The following PRKCE variants were observed in gnomAD, a reference collection of about 807,000 sequenced individuals.
PRKCE encodes protein kinase C epsilon.
Under a neutral mutation model 85.4 loss-of-function variants are expected in PRKCE, and 16 were observed. The ratio of observed to expected loss-of-function variants is 0.19; its 90% CI spans 0.13 to 0.28. The LOEUF (loss-of-function observed/expected upper bound fraction) is 0.28. Ranked by LOEUF, PRKCE falls within the 10% of genes least tolerant of loss-of-function variation. The pLI is 1.00. For missense variants in PRKCE, 573 were observed against 975.2 expected (o/e 0.59, Z 5.49); for synonymous variants, 388 against 371.5 (o/e 1.04, Z -0.51).
chr2:46,009,906 G>T (rs569176053), intron 9 of PRKCE, among the ~76,000 whole-genome samples: 4 of 152,174 alleles, frequency 2.6e-5, no homozygotes, highest in African/African-American at 7.2e-5. Flanking sequence ...AAAATAGTTG[G>T]TGTACTGTAA....
At chr2:45,733,624 G>A (rs558002389) in intron 1 of PRKCE, among the ~76,000 whole-genome samples, 1 of 152,300 alleles carries the variant, frequency 6.6e-6, no homozygotes, top group South Asian at 2.1e-4. Context: ...TTTGAGCAAA[G>A]ACTTGAAGGA....
intron 1 of PRKCE, among the ~76,000 whole-genome samples, chr2:45,782,807 G>A (rs1686300242): frequency 6.6e-6 from 1 of 151,732 alleles, no homozygotes; most frequent in South Asian, 2.1e-4. Flanking sequence ...CCAGAAAAGG[G>A]GAAAAATACT....
Position 45,813,632 on chromosome 2 carries a change from C to T in PRKCE, c.349-29368C>T, listed in dbSNP as rs574365207. Among the ~76,000 whole-genome samples, 459 of 152,252 alleles carry T rather than the reference C, an allele frequency of 3.0e-3. 4 individuals carry two copies. The highest frequency in any genetic ancestry group is 0.01 in the African/African-American group (425 of 41,530). On this transcript the variant is annotated intron_variant, in intron 1 of 14. Coordinates refer to ENST00000306156, the MANE Select transcript of PRKCE (RefSeq NM_005400.3). ...AGAGAGGTGCAAGGAGGTCACCCAG[C>T]GACTTGAATCAAGCCACTTCCAGCA...
At chr2:45,987,481 C>T (rs1171132355) in intron 6 of PRKCE, among the ~76,000 whole-genome samples, 1 of 152,176 alleles carries the variant, frequency 6.6e-6, no homozygotes, top group Non-Finnish European at 1.5e-5. Flanking sequence ...TCTTTGTCTT[C>T]CTCTCTCTTT....
At chr2:46,031,577 C>T (rs1274959095) in intron 10 of PRKCE, among the ~76,000 whole-genome samples, 1 of 149,582 alleles carries the variant, frequency 6.7e-6, no homozygotes, top group Admixed American at 6.8e-5. Context: ...TCTTCTACCC[C>T]TTTACATTCT....
intron 1 of PRKCE, among the ~76,000 whole-genome samples, chr2:45,679,159 A>G (rs1676696282): frequency 6.6e-6 from 1 of 152,210 alleles, no homozygotes; most frequent in Non-Finnish European, 1.5e-5. Context: ...ATAATTTTTC[A>G]TAAATATGCA....
At chr2:45,992,835 T>G (rs916892983) in intron 6 of PRKCE, among the ~76,000 whole-genome samples, 3 of 152,086 alleles carry the variant, frequency 2.0e-5, no homozygotes, top group African/African-American at 7.2e-5. Flanking sequence ...TGATAGAAGG[T>G]GAAAGTCAGA....
chr2:46,072,140 A>T (rs1249158760), intron 10 of PRKCE, among the ~76,000 whole-genome samples: 4 of 152,250 alleles, frequency 2.6e-5, no homozygotes, highest in Non-Finnish European at 5.9e-5. Flanking sequence ...TTAATAATTT[A>T]AAAAACCCTT....
At chr2:45,870,390 G>A (rs879700319) in intron 2 of PRKCE, among the ~76,000 whole-genome samples, 3 of 152,158 alleles carry the variant, frequency 2.0e-5, no homozygotes, top group African/African-American at 4.8e-5. Context: ...GTGCATGTTC[G>A]AGATGCTAAC....
chr2:45,988,754 C>G (rs919035642), intron 6 of PRKCE, among the ~76,000 whole-genome samples: 2 of 152,190 alleles, frequency 1.3e-5, no homozygotes, highest in Non-Finnish European at 2.9e-5. Flanking sequence ...TTAAACAGTC[C>G]AGAAATCAGC....
chr2:46,172,352 G>C (rs889227655), intron 14 of PRKCE, among the ~76,000 whole-genome samples: 7 of 152,220 alleles, frequency 4.6e-5, no homozygotes, highest in Non-Finnish European at 1.5e-5. Flanking sequence ...GCACTGGATG[G>C]ACAATGTGGA....
intron 1 of PRKCE, among the ~76,000 whole-genome samples, chr2:45,691,110 G>T (rs759447320): frequency 6.6e-6 from 1 of 152,166 alleles, no homozygotes; most frequent in East Asian, 1.9e-4. Flanking sequence ...CAGGACTAAG[G>T]TTCTAAAAGC....
chr2:45,964,099 C>G (rs1386296814), intron 2 of PRKCE, among the ~76,000 whole-genome samples: 2 of 152,116 alleles, frequency 1.3e-5, no homozygotes, highest in Admixed American at 1.3e-4. Flanking sequence ...ATAAATAACC[C>G]CATAGCCTTT....
At chr2:45,702,480 G>T (rs930784719) in intron 1 of PRKCE, among the ~76,000 whole-genome samples, 1 of 152,148 alleles carries the variant, frequency 6.6e-6, no homozygotes, top group African/African-American at 2.4e-5. Context: ...TATAGAAGGC[G>T]CTCGGTCAGC....
chr2:45,824,263 C>A (rs1310950895), intron 1 of PRKCE, among the ~76,000 whole-genome samples: 2 of 152,180 alleles, frequency 1.3e-5, no homozygotes, highest in East Asian at 1.9e-4. Context: ...AAACAGACAG[C>A]CTTTGAAGTC....
chr2:45,808,600 G>A (rs1362711832), intron 1 of PRKCE, among the ~76,000 whole-genome samples: 1 of 152,224 alleles, frequency 6.6e-6, no homozygotes, highest in Non-Finnish European at 1.5e-5. Context: ...CTGCCAGGGA[G>A]CTGCCAGGAT....
chr2:45,810,293 G>A (rs943866038), intron 1 of PRKCE, among the ~76,000 whole-genome samples: 20 of 151,992 alleles, frequency 1.3e-4, no homozygotes, highest in Admixed American at 2.6e-4. Context: ...CACCCGCCTC[G>A]GCCTCCCAAA....
At chr2:45,866,235 G>T (rs1400247109) in intron 2 of PRKCE, among the ~76,000 whole-genome samples, 1 of 152,146 alleles carries the variant, frequency 6.6e-6, no homozygotes, top group African/African-American at 2.4e-5. Context: ...TCATCTGGAA[G>T]GCTTTAAAAG....
chr2:45,822,167 A>G (rs766659568), intron 1 of PRKCE, among the ~76,000 whole-genome samples: 1 of 152,188 alleles, frequency 6.6e-6, no homozygotes, highest in South Asian at 2.1e-4. Flanking sequence ...GTTTTTGTAG[A>G]TATCAAATTT....
Sources: gnomAD v4.1 joint callset for allele counts (sites outside exome capture counted in the v4.1 genomes callset) on GRCh38, gnomAD v4.1.1 for gene constraint, MANE v1.5 for transcripts, NCBI Gene and HGNC (gene_info 2026-07-23, HGNC 2026-07-21) for gene names.